Variants in PPFIA2 observed in about 807,000 individuals in gnomAD.
The protein encoded by PPFIA2 is PPFI scaffold protein A2.
PPFIA2 carries 46 observed loss-of-function variants against 175.5 expected under a neutral mutation model. That is an observed-to-expected ratio of 0.26 (90% CI 0.21 to 0.34). The LOEUF is 0.34. Ranked by LOEUF, PPFIA2 falls within the 10% of genes least tolerant of loss-of-function variation. The pLI is 1.00. For missense variants in PPFIA2, 1,179 were observed against 1,506.1 expected (o/e 0.78, Z 3.60); for synonymous variants, 568 against 511.4 (o/e 1.11, Z -1.49).
At chr12:81,441,391 AT>A (rs2050147690) in intron 6 of PPFIA2, among the ~76,000 whole-genome samples, 2 of 152,038 alleles carry the variant, frequency 1.3e-5, no homozygotes, top group South Asian at 4.1e-4. Context: ...TATTAATTAT[AT>A]TTTGTTATGC....
intron 4 of PPFIA2, among the ~76,000 whole-genome samples, chr12:81,587,056 A>G (rs1329701178): frequency 3.3e-5 from 5 of 151,996 alleles, no homozygotes; most frequent in Middle Eastern, 3.2e-3. Flanking sequence ...AAAATAGAGA[A>G]ATAATTTCAC....
At chr12:81,744,048 T>C (rs998029104) in intron 3 of PPFIA2, among the ~76,000 whole-genome samples, 1 of 152,202 alleles carries the variant, frequency 6.6e-6, no homozygotes, top group Non-Finnish European at 1.5e-5. Flanking sequence ...TTCTTTTGTA[T>C]GTAAGACAAT....
intron 21 of PPFIA2, among the ~76,000 whole-genome samples, chr12:81,335,226 T>G (rs778507373): frequency 1.3e-5 from 2 of 152,136 alleles, no homozygotes; most frequent in Non-Finnish European, 2.9e-5. Flanking sequence ...CATGAGCATA[T>G]TTGAGCAATA....
intron 3 of PPFIA2, chr12:81,687,380 C>T (rs1215762558): frequency 3.9e-5 from 6 of 152,030 alleles, no homozygotes; most frequent in Admixed American, 1.3e-4. Context: ...TTCTGCACCA[C>T]GGATTCTTAT....
intron 4 of PPFIA2, among the ~76,000 whole-genome samples, chr12:81,664,199 T>C (rs2069598622): frequency 6.6e-6 from 1 of 152,024 alleles, no homozygotes; most frequent in South Asian, 2.1e-4. Context: ...GGGATCTAAT[T>C]AAACTAAAGA....
chr12:81,439,536 C>T (rs1434344617), intron 7 of PPFIA2, among the ~76,000 whole-genome samples: 1 of 152,100 alleles, frequency 6.6e-6, no homozygotes, highest in Non-Finnish European at 1.5e-5. Flanking sequence ...TCAGTGACGT[C>T]ACTAAATATG....
intron 3 of PPFIA2, among the ~76,000 whole-genome samples, chr12:81,735,569 G>A (rs1839852882): frequency 6.6e-6 from 1 of 151,644 alleles, no homozygotes; most frequent in Admixed American, 6.6e-5. Context: ...CTATTTTGAA[G>A]TATAAGTTTT....
intron 4 of PPFIA2, among the ~76,000 whole-genome samples, chr12:81,646,871 G>T (rs930705538): frequency 1.3e-5 from 2 of 150,100 alleles, no homozygotes; most frequent in African/African-American, 4.9e-5. Flanking sequence ...GGGAAGGAAT[G>T]AAAGAAGGAA....
At chr12:81,505,174 GT>G (rs377566642) in intron 4 of PPFIA2, among the ~76,000 whole-genome samples, 1 of 151,726 alleles carries the variant, frequency 6.6e-6, no homozygotes, top group African/African-American at 2.4e-5. Context: ...GTGCAACTAG[GT>G]TTAAGAGAAA....
chr12:81,413,606 T>C (rs2044391447), intron 7 of PPFIA2, among the ~76,000 whole-genome samples: 1 of 151,812 alleles, frequency 6.6e-6, no homozygotes, highest in Non-Finnish European at 1.5e-5. Flanking sequence ...AAGAGTTGTT[T>C]TGTAAACTCA....
intron 31 of PPFIA2, 42 bp from the exon 32 acceptor site, chr12:81,262,082 G>A (rs2272501): frequency 9.8e-6 from 13 of 1,322,646 alleles, no homozygotes; most frequent in African/African-American, 1.5e-5. Flanking sequence ...TTGGATGATT[G>A]AGTACAAGAT....
At chr12:81,490,358 T>C (rs970649391) in intron 4 of PPFIA2, among the ~76,000 whole-genome samples, 3 of 151,944 alleles carry the variant, frequency 2.0e-5, no homozygotes, top group Admixed American at 6.6e-5. Context: ...GTGGAAGTCC[T>C]TAATTACCAA....
chr12:81,611,056 C>G (rs1417240224), intron 4 of PPFIA2, among the ~76,000 whole-genome samples: 1 of 152,076 alleles, frequency 6.6e-6, no homozygotes, highest in Non-Finnish European at 1.5e-5. Context: ...TGGCTGGCAG[C>G]TAGGCTGATA....
At chr12:81,440,117 T>A in intron 6 of PPFIA2, 71 bp from the exon 7 acceptor site, 1 of 1,136,696 alleles carries the variant, frequency 8.8e-7, no homozygotes, top group Non-Finnish European at 1.2e-6. Context: ...AATCCATAAT[T>A]AACATCATCA....
chr12:81,709,029 T>C (rs1468050050), intron 3 of PPFIA2, among the ~76,000 whole-genome samples: 3 of 152,126 alleles, frequency 2.0e-5, no homozygotes, highest in African/African-American at 7.2e-5. Context: ...AAAAACCCCC[T>C]TTTATTTTAT....
At chr12:81,460,555 T>C (rs576506298) in intron 4 of PPFIA2, among the ~76,000 whole-genome samples, 47 of 152,194 alleles carry the variant, frequency 3.1e-4, no homozygotes, top group Non-Finnish European at 4.9e-4. Flanking sequence ...GAGCAACAAG[T>C]GTTAGACAAG....
intron 14 of PPFIA2, among the ~76,000 whole-genome samples, chr12:81,365,012 T>A (rs887601421): frequency 6.6e-6 from 1 of 151,702 alleles, no homozygotes; most frequent in Non-Finnish European, 1.5e-5. Context: ...ATGGAGATAT[T>A]GAGTTGGCAA....
intron 4 of PPFIA2, chr12:81,546,441 A>G (rs1255250437): frequency 6.6e-6 from 1 of 152,174 alleles, no homozygotes; most frequent in Non-Finnish European, 1.5e-5. Context: ...CAGTTACGCC[A>G]GGAGCTCCAG....
In PPFIA2 at chr12:81,259,380, T is replaced by C; in HGVS notation, c.*314A>G. ...TACATAAATGCCTAGTATATTACAA[T>C]AAAACATGAAAAACAACTGGCTTCA... is the stretch of plus-strand genomic sequence containing the variant. On this transcript the variant is annotated 3_prime_UTR_variant, in exon 33 of 33. Coordinates refer to ENST00000549396, the MANE Select transcript of PPFIA2 (RefSeq NM_003625.5). 2 of 619,452 alleles carry C rather than the reference T, an allele frequency of 3.2e-6. No individual in the cohort carries two copies. The highest frequency in any genetic ancestry group is 5.9e-6 in the Non-Finnish European group (2 of 338,020). 38.4% of individuals were successfully genotyped at this position (619,452 alleles called of 1,614,324 possible). A position where few individuals can be genotyped will look rare whatever the true frequency, so the allele number is the denominator to read the frequency against.
Sources: gnomAD v4.1 joint callset for allele counts (sites outside exome capture counted in the v4.1 genomes callset) on GRCh38, gnomAD v4.1.1 for gene constraint, MANE v1.5 for transcripts, NCBI Gene and HGNC (gene_info 2026-07-23, HGNC 2026-07-21) for gene names.